MTHFSD: variants seen among roughly 807,000 people sequenced by gnomAD.
MTHFSD encodes the protein methenyltetrahydrofolate synthetase domain containing, also known as methenyltetrahydrofolate synthase domain-containing protein.
MTHFSD carries 37 observed loss-of-function variants against 31.1 expected under a neutral mutation model. That is an observed-to-expected ratio of 1.19 (90% CI 0.91 to 1.56). The LOEUF (loss-of-function observed/expected upper bound fraction) is 1.56, where lower values mean the gene tolerates loss of function less well. MTHFSD is among the 40% of genes most tolerant of loss of function. The pLI is 0.00. For missense variants in MTHFSD, 664 were observed against 510.1 expected, an observed-to-expected ratio of 1.30 and a Z score of -2.91; for synonymous variants, 221 against 206.9, an observed-to-expected ratio of 1.07 and a Z score of -0.59.
chr16:86,553,210 A>G (rs551393204), intron 2 of MTHFSD: 1 of 152,390 alleles, frequency 6.6e-6, no homozygotes, highest in South Asian at 2.1e-4. Flanking sequence ...GCTTCCGGCC[A>G]GGATAAATAT....
chr16:86,545,544 G>C (rs2143706570), intron 5 of MTHFSD, among the ~76,000 whole-genome samples: 2 of 152,136 alleles, frequency 1.3e-5, no homozygotes, highest in Admixed American at 1.3e-4. Flanking sequence ...ACCTAGTAAA[G>C]GGCCTGCTGC....
At chr16:86,546,469 A>G (rs1440234981) in intron 5 of MTHFSD, 90 bp downstream of exon 5, 4 of 1,126,894 alleles carry the variant, frequency 3.5e-6, no homozygotes, top group Admixed American at 3.4e-5. Context: ...AGCAGACACC[A>G]CTGGCGACTT....
At chr16:86,547,887 TA>T in intron 4 of MTHFSD, 1 of 440,226 alleles carries the variant, frequency 2.3e-6, no homozygotes, top group Non-Finnish European at 3.5e-6. Flanking sequence ...TTAAGATTCT[TA>T]AAAAAGTCAC....
At chr16:86,546,979 G>A (rs1972408792) in intron 4 of MTHFSD, among the ~76,000 whole-genome samples, 1 of 152,196 alleles carries the variant, frequency 6.6e-6, no homozygotes, top group African/African-American at 2.4e-5. Flanking sequence ...GAGTCCCAGG[G>A]AACTGGGTTC....
chr16:86,547,792 T>A (rs2247089), intron 4 of MTHFSD, among the ~76,000 whole-genome samples: 1 of 152,064 alleles, frequency 6.6e-6, no homozygotes. Flanking sequence ...TAGGCTTAAG[T>A]GGCAAATCCC....
At position 86,530,631 on chromosome 16, in the gene MTHFSD, A is replaced by T. The variant is rs1969913750; in HGVS notation, c.*1380T>A. 1 of 151,530 alleles carries T rather than the reference A, an allele frequency of 6.6e-6. No individual in the cohort carries two copies. 9.4% of individuals were successfully genotyped at this position (151,530 alleles called of 1,614,324 possible). The stretch of plus-strand genomic sequence containing the variant: ...AAAAGGTAAACAAAAAAAAAAAAAT[A>T]AGAATCTTTCAGAAAAAGAAGTATT... On this transcript the variant is annotated 3_prime_UTR_variant, in exon 8 of 8. Coordinates refer to ENST00000360900, the MANE Select transcript of MTHFSD (RefSeq NM_001159377.2).
intron 4 of MTHFSD, among the ~76,000 whole-genome samples, 196 bp from the exon 5 acceptor site, chr16:86,546,845 C>T (rs1028886697): frequency 2.0e-5 from 3 of 152,232 alleles, no homozygotes; most frequent in African/African-American, 7.2e-5. Flanking sequence ...TCCCCAGTCT[C>T]TTTCCCAGAA....
chr16:86,531,763 C>T lies in MTHFSD; in HGVS notation c.*248G>A, dbSNP rs1291191415. ...AGAGAAACAGAAACCGACTCAAGGC[C>T]CGAGCCTGCACGATTGGGAGGCTGC... On this transcript the variant is annotated 3_prime_UTR_variant, in exon 8 of 8. Coordinates refer to ENST00000360900, the MANE Select transcript of MTHFSD (RefSeq NM_001159377.2). This position sits in a 1 kb window ranked among gnomAD's most constrained non-coding sequence, Gnocchi z 5.5. 2.8e-6 allele frequency: 1 copy of T among 359,538 alleles called. No homozygotes were observed. The highest frequency in any genetic ancestry group is 5.0e-6 in the Non-Finnish European group (1 of 201,210). The allele number at this position is 359,538 out of a possible 1,614,324, so 22.3% of individuals were successfully genotyped here.
At chr16:86,534,954 C>T (rs1054726825) in intron 7 of MTHFSD, among the ~76,000 whole-genome samples, 3 of 152,194 alleles carry the variant, frequency 2.0e-5, no homozygotes, top group Admixed American at 1.3e-4. Flanking sequence ...CCATCTGTGT[C>T]CAGTAGCACC....
In MTHFSD at chr16:86,542,073, C is replaced by T. The variant is rs1253050146; in HGVS notation, c.555+28G>A. ...CTCCCTCAGAAGAGAATGGCAGTGG[C>T]TCTGCTCAGCCCATTCATAAGGAGC... On this transcript the variant is annotated intron_variant, in intron 6 of 7. Transcript: ENST00000360900. The surrounding 1 kb of genome is among the most constrained non-coding windows in gnomAD (Gnocchi z 4.6). 1 of 1,591,400 alleles carries T rather than the reference C, an allele frequency of 6.3e-7. No homozygotes were observed. The highest frequency in any genetic ancestry group is 1.3e-5 in the African/African-American group (1 of 74,526).
intron 2 of MTHFSD, among the ~76,000 whole-genome samples, chr16:86,554,024 GGCTCTCTGTAAAATGGACCAATCA>G (rs1247077248): frequency 6.6e-6 from 1 of 152,098 alleles, no homozygotes; most frequent in Non-Finnish European, 1.5e-5. Flanking sequence ...CGGACCAATC[GGCTCTCTGTAAAATGGACCAATCA>G]GCAGGATGTG....
Position 86,546,587 on chromosome 16 carries a change from C to T in MTHFSD, c.414G>A (p.Val138=), listed in dbSNP as rs746577372. 4 of 1,614,038 alleles carry T rather than the reference C, an allele frequency of 2.5e-6. No individual in the cohort carries two copies. The highest frequency in any genetic ancestry group is 3.4e-6 in the Non-Finnish European group (4 of 1,180,042). Residue 138 remains valine, a synonymous_variant, in exon 5 of 8, where the codon GTG becomes GTA. Coordinates refer to ENST00000360900, the MANE Select transcript of MTHFSD (RefSeq NM_001159377.2). ...TTTCAGAAACGGCGACGGATCCCAC[C>T]ACAACTAAATCCACGAGGACTCTGG... ...LDSRVLVDLV[V]VGSVAVSEKG...
chr16:86,538,591 A>G (rs920202207), intron 7 of MTHFSD, among the ~76,000 whole-genome samples: 2 of 152,226 alleles, frequency 1.3e-5, no homozygotes, highest in African/African-American at 4.8e-5. Flanking sequence ...TTGCTACGGC[A>G]CAGAGCTGAG....
chr16:86,544,459 G>A (rs1971983730), intron 5 of MTHFSD, among the ~76,000 whole-genome samples: 1 of 152,192 alleles, frequency 6.6e-6, no homozygotes, highest in Non-Finnish European at 1.5e-5. Context: ...CATTTATACA[G>A]CCAACAAACA....
At position 86,531,249 on chromosome 16, in the gene MTHFSD, G is replaced by A. The variant is rs953170967; in HGVS notation, c.*762C>T. Reference sequence around the variant, plus strand: ...CTGGTTTTTAGAAACAGAACTGGAGGAAAAAAACCCAGAAAACATAAGGCA... The same window carrying A: ...CTGGTTTTTAGAAACAGAACTGGAGAAAAAAAACCCAGAAAACATAAGGCA... On this transcript the variant is annotated 3_prime_UTR_variant, in exon 8 of 8. Coordinates refer to ENST00000360900, the MANE Select transcript of MTHFSD (RefSeq NM_001159377.2). This position sits in a 1 kb window ranked among gnomAD's most constrained non-coding sequence, Gnocchi z 5.5. The A allele has an allele frequency of 6.6e-6, 1 of 152,134 alleles. No homozygotes were observed. The highest frequency in any genetic ancestry group is 2.4e-5 in the African/African-American group (1 of 41,440). The allele number at this position is 152,134 out of a possible 1,614,324, so 9.4% of individuals were successfully genotyped here. A position where few individuals can be genotyped will look rare whatever the true frequency, so the allele number is the denominator to read the frequency against.
chr16:86,532,310 G>C lies in MTHFSD; in HGVS notation c.853C>G (p.Pro285Ala). The C allele has an allele frequency of 6.3e-7, 1 of 1,586,728 alleles. No individual in the cohort carries two copies. Among genetic ancestry groups the C allele is most frequent in the Non-Finnish European group, 8.6e-7 (1 of 1,168,842 alleles). ...VGRRPPDTPG[P>A]ETNSMEAAPG... ...GCTGCCTCCATGGAATTGGTTTCTG[G>C]TCCGGGTGTGTCCGGGGGCCTCCTG... The change falls in exon 8 of 8, where the codon CCA becomes GCA. Residue 285 changes from proline (P) to alanine (A), a missense_variant. By Grantham distance (27) the Pro-to-Ala change is conservative. Transcript: ENST00000360900.
At position 86,542,308 on chromosome 16, in the gene MTHFSD, C is replaced by T; in HGVS notation, c.443-95G>A. 8.8e-6 allele frequency: 9 copies of T among 1,022,280 alleles called. No homozygotes were observed. Among genetic ancestry groups the T allele is most frequent in the Non-Finnish European group, 1.3e-5 (9 of 696,842 alleles). 63.3% of individuals were successfully genotyped at this position (1,022,280 alleles called of 1,614,324 possible). ...GGTCCAGTGGAAGAAGAAACTTGAA[C>T]CCAATATCCCGAGCTAATCTATAGA... On this transcript the variant is annotated intron_variant, in intron 5 of 7. Coordinates refer to ENST00000360900, the MANE Select transcript of MTHFSD (RefSeq NM_001159377.2). This position sits in a 1 kb window ranked among gnomAD's most constrained non-coding sequence, Gnocchi z 4.6.
chr16:86,547,991 C>G, intron 4 of MTHFSD: 1 of 1,217,170 alleles, frequency 8.2e-7, no homozygotes, highest in Non-Finnish European at 1.1e-6. Flanking sequence ...AATTGTGAGG[C>G]ATTCAAGAAA....
rs1970105528 is a variant in MTHFSD, at chr16:86,532,483, TG to T, written c.682-3del. 2 of 1,402,904 alleles carry T rather than the reference TG, an allele frequency of 1.4e-6. No homozygotes were observed. Among genetic ancestry groups the T allele is most frequent in the Admixed American group, 6.6e-5 (2 of 30,472 alleles). The allele number at this position is 1,402,904 out of a possible 1,614,324, so 86.9% of individuals were successfully genotyped here. A position where few individuals can be genotyped will look rare whatever the true frequency, so the allele number is the denominator to read the frequency against. ...TTTCTCCATCATCTCCAGGCTGATC[TG>T]AAAAGCAAAGCAGTTGCAGCTCTTT... On this transcript the variant is annotated splice_polypyrimidine_tract_variant and splice_region_variant and intron_variant, in intron 7 of 7. Coordinates refer to ENST00000360900, the MANE Select transcript of MTHFSD (RefSeq NM_001159377.2).
Sources: gnomAD v4.1 joint callset for allele counts (sites outside exome capture counted in the v4.1 genomes callset) on GRCh38, gnomAD v4.1.1 for gene constraint, Gnocchi (gnomAD v3.1) non-coding constraint, MANE v1.5 for transcripts, NCBI Gene and HGNC (gene_info 2026-07-23, HGNC 2026-07-21) for gene names.